PGLYRP4: variants seen among roughly 807,000 people sequenced by gnomAD.
The protein encoded by PGLYRP4 is PGRP-I-beta.
In PGLYRP4, 39 loss-of-function variants were observed where a neutral mutation model predicts 41.2. The observed-to-expected ratio is 0.95, with a 90% CI of 0.73 to 1.24. PGLYRP4 has a LOEUF of 1.24. Among genes scored for constraint, PGLYRP4 ranks in the 50% most tolerant of loss-of-function variants. PGLYRP4 has a pLI of 0.00. For missense variants in PGLYRP4, 467 were observed against 460.7 expected, an observed-to-expected ratio of 1.01 and a Z score of -0.13; for synonymous variants, 202 against 186.8, an observed-to-expected ratio of 1.08 and a Z score of -0.66.
At chr1:153,334,123 T>G (rs1385510066) in intron 8 of PGLYRP4, among the ~76,000 whole-genome samples, 1 of 152,106 alleles carries the variant, frequency 6.6e-6, no homozygotes, top group Non-Finnish European at 1.5e-5. Flanking sequence ...CTCTGTTCAC[T>G]GATGATATAA....
rs193034915 is a variant in PGLYRP4 at position 153,337,095 on chromosome 1, G to A, written c.943+86C>T. The A allele has an allele frequency of 5.5e-4, 553 of 1,011,780 alleles. 2 individuals carry two copies. The African/African-American group carries it at 7.4e-3, about 14-fold the overall frequency. The allele number at this position is 1,011,780 out of a possible 1,614,324, so 62.7% of individuals were successfully genotyped here. On this transcript the variant is annotated intron_variant, in intron 8 of 8. Coordinates refer to ENST00000359650, the MANE Select transcript of PGLYRP4 (RefSeq NM_020393.4). ...AAGCATATGCAGGCACTAAAATGAC[G>A]CTTGAGACTGAGACTTTGTCTTCCA...
At chr1:153,339,414 C>G (rs1209891529) in intron 7 of PGLYRP4, among the ~76,000 whole-genome samples, 1 of 152,180 alleles carries the variant, frequency 6.6e-6, no homozygotes, top group Non-Finnish European at 1.5e-5. Context: ...AGGGGAGAGA[C>G]AGTCAGCCCA....
At chr1:153,338,686 C>A (rs764139235) in intron 7 of PGLYRP4, among the ~76,000 whole-genome samples, 1 of 152,160 alleles carries the variant, frequency 6.6e-6, no homozygotes, top group African/African-American at 2.4e-5. Context: ...TCAGTCCTTT[C>A]CACAGAGGCC....
In PGLYRP4 at chr1:153,330,859, G is replaced by C. The variant is rs367904631; in HGVS notation, c.1030C>G (p.Leu344Val). Reference sequence around the variant, plus strand: ...GCCACATCACTGTGGCCCACCAGCAGGTAGTTGGGAGTCAGGTACCCTTTG... The same window carrying C: ...GCCACATCACTGTGGCCCACCAGCACGTAGTTGGGAGTCAGGTACCCTTTG... ...MVKGYLTPNY[L>V]LVGHSDVART... The change falls in exon 9 of 9, where the codon CTG becomes GTG. Residue 344 changes from leucine to valine, a missense_variant. Physicochemically the swap from Leu to Val is conservative, Grantham distance 32. Coordinates refer to ENST00000359650, the MANE Select transcript of PGLYRP4 (RefSeq NM_020393.4). The C allele has an allele frequency of 5.6e-6, 9 of 1,614,048 alleles. No homozygotes were observed. Among genetic ancestry groups the C allele is most frequent in the African/African-American group, 1.3e-5 (1 of 75,042 alleles).
chr1:153,336,007 T>C (rs1660541919), intron 8 of PGLYRP4, among the ~76,000 whole-genome samples: 1 of 150,558 alleles, frequency 6.6e-6, no homozygotes, highest in Non-Finnish European at 1.5e-5. Flanking sequence ...TCAATGTCCA[T>C]CAATGGATGA....
rs765654245 is a variant in PGLYRP4 at position 153,340,546 on chromosome 1, C to A, written c.659G>T (p.Gly220Val). 1 of 1,614,056 alleles carries A rather than the reference C, an allele frequency of 6.2e-7. No homozygotes were observed. Among genetic ancestry groups the A allele is most frequent in the Non-Finnish European group, 8.5e-7 (1 of 1,180,016 alleles). The change falls in exon 7 of 9, where the codon GGA becomes GTA. Residue 220 changes from glycine to valine, a missense_variant. Gly to Val is a moderately radical substitution (Grantham distance 109). Transcript: ENST00000359650. ...CPGVVPRSVW[G>V]ARETHCPRMT... ...CCTGGGACAGTGGGTCTCCCTGGCT[C>A]CCCACACAGACCGTGGGACAACGCC...
intron 8 of PGLYRP4, 58 bp from the exon 9 acceptor site, chr1:153,331,003 C>T: frequency 6.9e-7 from 1 of 1,453,606 alleles, no homozygotes; most frequent in Middle Eastern, 1.8e-4. Flanking sequence ...CAAAATAGAA[C>T]ATATCCCCAG....
Position 153,347,907 on chromosome 1 carries a change from G to A in PGLYRP4, c.26C>T (p.Ser9Phe). 6.2e-7 allele frequency: 1 copy of A among 1,613,622 alleles called. No homozygotes were observed. The highest frequency in any genetic ancestry group is 1.7e-5 in the Admixed American group (1 of 60,008). MLPWLLVF[S>F]ALGIQAWGDS... ...ACCCCAGGCCTGGATACCCAGAGCA[G>A]AGAAGACAAGAAGCCACGGCAGCAT... is the stretch of plus-strand genomic sequence containing the variant. Residue 9 changes from serine to phenylalanine, a missense_variant, in exon 2 of 9, where the codon TCT (serine) becomes TTT (phenylalanine). Physicochemically the swap from Ser to Phe is radical, Grantham distance 155 (BLOSUM62 -2). Coordinates refer to ENST00000359650, the MANE Select transcript of PGLYRP4 (RefSeq NM_020393.4).
intron 4 of PGLYRP4, among the ~76,000 whole-genome samples, chr1:153,344,058 A>G (rs1249900921): frequency 6.6e-6 from 1 of 152,124 alleles, no homozygotes; most frequent in Admixed American, 6.5e-5. Context: ...CAGACACACA[A>G]CTGTCCCTCC....
intron 8 of PGLYRP4, among the ~76,000 whole-genome samples, chr1:153,333,854 C>G (rs1262835455): frequency 6.6e-6 from 1 of 152,034 alleles, no homozygotes; most frequent in East Asian, 1.9e-4. Flanking sequence ...TCAATTAAAT[C>G]CAACATTACT....
At chr1:153,335,257 C>T (rs1660507750) in intron 8 of PGLYRP4, among the ~76,000 whole-genome samples, 2 of 152,120 alleles carry the variant, frequency 1.3e-5, no homozygotes, top group Admixed American at 1.3e-4. Context: ...AGTAAACAGA[C>T]AACCTACAGA....
At chr1:153,347,039 T>C (rs1661038396) in intron 2 of PGLYRP4, among the ~76,000 whole-genome samples, 1 of 151,920 alleles carries the variant, frequency 6.6e-6, no homozygotes, top group South Asian at 2.1e-4. Context: ...TAAGAGAGAG[T>C]AGGTTTTGGG....
intron 4 of PGLYRP4, among the ~76,000 whole-genome samples, chr1:153,343,941 C>G (rs1337411932): frequency 6.6e-6 from 1 of 152,204 alleles, no homozygotes; most frequent in Non-Finnish European, 1.5e-5. Flanking sequence ...AACAGTGGGC[C>G]TTAATAAGCA....
intron 6 of PGLYRP4, 140 bp downstream of exon 6, chr1:153,341,487 G>C: frequency 1.4e-6 from 1 of 740,290 alleles, no homozygotes; most frequent in South Asian, 2.0e-5. Context: ...CCAGCCCCAA[G>C]AGTTCAGAGA....
At position 153,340,882 on chromosome 1, in the gene PGLYRP4, G is replaced by C. The variant is rs538044016; in HGVS notation, c.626-303C>G. On this transcript the variant is annotated intron_variant, in intron 6 of 8. Transcript: ENST00000359650. ...GCACCAGAGATCAAATTTACTCAAGGCTTTAATATAATAGAGATGAATCTT... is the reference window on the plus strand; with the variant it reads ...GCACCAGAGATCAAATTTACTCAAGCCTTTAATATAATAGAGATGAATCTT... 5.3e-5 allele frequency among the ~76,000 whole-genome samples: 8 copies of C among 152,302 alleles called. No individual in the cohort carries two copies. In the South Asian group the frequency reaches 8.3e-4, roughly 16 times the overall value.
intron 8 of PGLYRP4, among the ~76,000 whole-genome samples, chr1:153,333,449 A>G (rs1660418071): frequency 6.6e-6 from 1 of 152,174 alleles, no homozygotes; most frequent in Non-Finnish European, 1.5e-5. Context: ...TCCCAACAAC[A>G]AAAAGCCCAG....
chr1:153,331,011 C>A, intron 8 of PGLYRP4, 66 bp from the exon 9 acceptor site: 1 of 1,343,274 alleles, frequency 7.4e-7, no homozygotes, highest in African/African-American at 1.4e-5. Context: ...AACATATCCC[C>A]AGAACCCACC....
intron 8 of PGLYRP4, among the ~76,000 whole-genome samples, chr1:153,336,359 G>A (rs1261100538): frequency 2.0e-5 from 2 of 99,744 alleles, no homozygotes; most frequent in Admixed American, 1.6e-4. Flanking sequence ...GACAGAGCGA[G>A]ACTCCATCTC....
intron 3 of PGLYRP4, 85 bp downstream of exon 3, chr1:153,346,017 G>T: frequency 1.0e-6 from 1 of 985,032 alleles, no homozygotes; most frequent in Non-Finnish European, 1.6e-6. Context: ...GTCACATGTG[G>T]CTTTGCAGAC....
Sources: allele counts gnomAD v4.1 joint callset (sites outside exome capture counted in the v4.1 genomes callset), GRCh38; gene constraint gnomAD v4.1.1; transcripts MANE v1.5; gene names NCBI Gene and HGNC (gene_info 2026-07-23, HGNC 2026-07-21).